The following RTN1 variants were observed in gnomAD, a reference collection of about 807,000 sequenced individuals.
RTN1 encodes reticulon-1.
Under a neutral mutation model 65.5 loss-of-function variants are expected in RTN1, and 25 were observed. That is an observed-to-expected ratio of 0.38 (90% CI 0.28 to 0.53). The LOEUF is 0.53. Ranked by LOEUF, RTN1 falls within the 20% of genes least tolerant of loss-of-function variation. The pLI is 0.79. For synonymous variants in RTN1, 471 were observed against 447.6 expected (o/e 1.05, Z -0.66); for missense variants, 983 against 1,025.4 (o/e 0.96, Z 0.57).
At chr14:59,608,441 T>C (rs1881835949) in intron 3 of RTN1, among the ~76,000 whole-genome samples, 1 of 152,198 alleles carries the variant, frequency 6.6e-6, no homozygotes, top group South Asian at 2.1e-4. Flanking sequence ...GCTACTCCCA[T>C]TTTACATGGG....
chr14:59,743,448 A>G (rs182046774), intron 2 of RTN1, among the ~76,000 whole-genome samples: 1 of 152,288 alleles, frequency 6.6e-6, no homozygotes, highest in Admixed American at 6.5e-5. Flanking sequence ...ATTAACTTAC[A>G]TCTTCAGAAC....
chr14:59,776,534 T>C (rs1034171751), intron 1 of RTN1, among the ~76,000 whole-genome samples: 2 of 152,158 alleles, frequency 1.3e-5, no homozygotes, highest in Non-Finnish European at 2.9e-5. Flanking sequence ...TGGCATTCTA[T>C]TATAGCAACA....
chr14:59,835,272 T>A (rs1887194281), intron 1 of RTN1, among the ~76,000 whole-genome samples: 1 of 152,074 alleles, frequency 6.6e-6, no homozygotes. Flanking sequence ...ATATATGGTA[T>A]GATTCCATTT....
At chr14:59,638,420 G>T (rs1191763773) in intron 3 of RTN1, among the ~76,000 whole-genome samples, 7 of 152,132 alleles carry the variant, frequency 4.6e-5, no homozygotes, top group Non-Finnish European at 8.8e-5. Flanking sequence ...AGGCTTTGAT[G>T]TTAAATTTAT....
chr14:59,648,881 C>T (rs1014780681), intron 3 of RTN1, among the ~76,000 whole-genome samples: 1 of 152,168 alleles, frequency 6.6e-6, no homozygotes, highest in South Asian at 2.1e-4. Context: ...TGGCATAAGA[C>T]GAGGATGCCC....
intron 3 of RTN1, among the ~76,000 whole-genome samples, chr14:59,697,174 T>C (rs1405793545): frequency 4.6e-5 from 7 of 152,184 alleles, no homozygotes. Flanking sequence ...AACATCTCCT[T>C]CTCTTTCAAA....
chr14:59,632,976 C>T (rs1195102589), intron 3 of RTN1, among the ~76,000 whole-genome samples: 1 of 152,062 alleles, frequency 6.6e-6, no homozygotes, highest in African/African-American at 2.4e-5. Flanking sequence ...GTGGCATGCA[C>T]CTGTACTCCT....
intron 1 of RTN1, among the ~76,000 whole-genome samples, chr14:59,750,252 A>ATATATTATATATTATATC (rs1566713462): frequency 1.9e-4 from 8 of 41,224 alleles, no homozygotes; most frequent in African/African-American, 1.7e-3. Context: ...TATCTATAAT[A>ATATATTATATATTATATC]TATAATATAT....
chr14:59,769,807 AC>A (rs1351026791), intron 1 of RTN1, among the ~76,000 whole-genome samples: 1 of 152,238 alleles, frequency 6.6e-6, no homozygotes, highest in Non-Finnish European at 1.5e-5. Context: ...AAGACAATGA[AC>A]AAAAGATACA....
At chr14:59,771,299 A>T (rs1003091266) in intron 1 of RTN1, among the ~76,000 whole-genome samples, 2 of 152,224 alleles carry the variant, frequency 1.3e-5, no homozygotes, top group African/African-American at 4.8e-5. Context: ...AGGGGTCATC[A>T]GCTGACTTCT....
rs1882288982 is a variant in RTN1 at position 59,622,677 on chromosome 14, G to A, written c.1766-15185C>T. ...ATTTTTCCTACTTTAATCTTCCCTC[G>A]TTTGACATTAAACTGGAGAAAGAAA... On this transcript the variant is annotated intron_variant, in intron 3 of 8. Transcript: ENST00000267484. Among the ~76,000 whole-genome samples the A allele has an allele frequency of 2.6e-5, 4 of 152,188 alleles. No individual in the cohort carries two copies. The South Asian group carries it at 6.2e-4, about 24-fold the overall frequency.
intron 2 of RTN1, among the ~76,000 whole-genome samples, chr14:59,735,125 TCCAG>T (rs1395947232): frequency 2.0e-5 from 3 of 152,164 alleles, no homozygotes; most frequent in African/African-American, 7.2e-5. Context: ...GAATTTCATA[TCCAG>T]CCAAACTAAG....
chr14:59,633,201 C>CT (rs1208733465), intron 3 of RTN1, among the ~76,000 whole-genome samples: 1 of 152,186 alleles, frequency 6.6e-6, no homozygotes, highest in Non-Finnish European at 1.5e-5. Flanking sequence ...AAAATCCACT[C>CT]TAACAGTTTG....
intron 3 of RTN1, among the ~76,000 whole-genome samples, chr14:59,691,530 C>T (rs1883960902): frequency 1.3e-5 from 2 of 152,122 alleles, no homozygotes; most frequent in South Asian, 4.1e-4. Context: ...ACCAATTCTA[C>T]TGAAACTATT....
intron 3 of RTN1, among the ~76,000 whole-genome samples, chr14:59,617,919 G>C (rs542534166): frequency 3.9e-5 from 6 of 152,258 alleles, no homozygotes; most frequent in Admixed American, 3.9e-4. Context: ...GAAGAAGCCA[G>C]AGCAATCAAT....
At position 59,820,356 on chromosome 14, in the gene RTN1, G is replaced by GTTTTTT. The variant is rs34274539; in HGVS notation, c.241+50028_241+50033dup. On this transcript the variant is annotated intron_variant, in intron 1 of 8. Coordinates refer to ENST00000267484, the MANE Select transcript of RTN1 (RefSeq NM_021136.3). ...TCTGTAGGCTGTCTGCTTATTGATA[G>GTTTTTT]TTTTTTTTTTTTTTTTTTTTTTTGC... Among the ~76,000 whole-genome samples the GTTTTTT allele has an allele frequency of 3.6e-3, 288 of 79,166 alleles. 1 individual carries two copies. The highest frequency in any genetic ancestry group is 0.01 in the Middle Eastern group (1 of 98). 51.9% of individuals were successfully genotyped at this position (79,166 alleles called of 152,430 possible). A position where few individuals can be genotyped will look rare whatever the true frequency, so the allele number is the denominator to read the frequency against.
chr14:59,672,468 A>G lies in RTN1; in HGVS notation c.1765+54451T>C, dbSNP rs565005500. Among the ~76,000 whole-genome samples, 8 of 152,270 alleles carry G rather than the reference A, an allele frequency of 5.3e-5. No individual in the cohort carries two copies. In the East Asian group the frequency reaches 1.5e-3, roughly 29 times the overall value. On this transcript the variant is annotated intron_variant, in intron 3 of 8. Transcript: ENST00000267484. Reference sequence around the variant, plus strand: ...GGTGCTTCGAGTTTCATAATAATCCACATAAAGGACACATCATATGGCAAA... The same window carrying G: ...GGTGCTTCGAGTTTCATAATAATCCGCATAAAGGACACATCATATGGCAAA...
At chr14:59,730,829 A>G (rs1487971036) in intron 2 of RTN1, among the ~76,000 whole-genome samples, 7 of 152,230 alleles carry the variant, frequency 4.6e-5, no homozygotes, top group African/African-American at 1.7e-4. Context: ...TAGGATGGCT[A>G]TAATCAAAAA....
intron 2 of RTN1, among the ~76,000 whole-genome samples, chr14:59,733,388 C>A (rs546442484): frequency 6.6e-6 from 1 of 152,162 alleles, no homozygotes; most frequent in African/African-American, 2.4e-5. Context: ...CCACCGTGCC[C>A]GGCCAGACTG....
Sources: allele counts gnomAD v4.1 joint callset (sites outside exome capture counted in the v4.1 genomes callset), GRCh38; gene constraint gnomAD v4.1.1; transcripts MANE v1.5; gene names NCBI Gene and HGNC (gene_info 2026-07-23, HGNC 2026-07-21).